BPTF: variants seen among roughly 807,000 people sequenced by gnomAD.
BPTF encodes the protein bromodomain PHD finger transcription factor.
BPTF carries 18 observed loss-of-function variants against 292.5 expected under a neutral mutation model. That is an observed-to-expected ratio of 0.06 (90% CI 0.04 to 0.09). The LOEUF is 0.09. Ranked by LOEUF, BPTF falls within the 10% of genes least tolerant of loss-of-function variation. BPTF has a pLI of 1.00. For synonymous variants in BPTF, 1,225 were observed against 1,251.9 expected, an observed-to-expected ratio of 0.98 and a Z score of 0.45; for missense variants, 2,726 against 3,498.7, an observed-to-expected ratio of 0.78 and a Z score of 5.57.
chr17:67,827,945 T>G (rs2056251557), intron 1 of BPTF, among the ~76,000 whole-genome samples: 1 of 151,192 alleles, frequency 6.6e-6, no homozygotes, highest in Non-Finnish European at 1.5e-5. Context: ...TTTTTTTTTT[T>G]TTTTGAGAGG....
Position 67,911,409 on chromosome 17 carries a change from A to G in BPTF, c.3525A>G (p.Pro1175=). 1.2e-6 allele frequency: 2 copies of G among 1,614,182 alleles called. No homozygotes were observed. The highest frequency in any genetic ancestry group is 1.7e-6 in the Non-Finnish European group (2 of 1,180,032). The change falls in exon 11 of 28, where the codon CCA becomes CCG. Residue 1175 remains proline, a synonymous_variant. Transcript: ENST00000306378. ...TAGATGATGTCTCCATTCGGAGCCC[A>G]GAAACAAAATGTCCGAAACAAAATT... ...RVLDDVSIRS[P]ETKCPKQNSI... is the part of the protein sequence containing the mutation.
chr17:67,917,611 GTTTAA>G (rs1216719921), intron 11 of BPTF, among the ~76,000 whole-genome samples: 3 of 150,640 alleles, frequency 2.0e-5, no homozygotes, highest in Non-Finnish European at 4.4e-5. Context: ...GATGTTTTTG[GTTTAA>G]TTTAATTAAT....
intron 1 of BPTF, among the ~76,000 whole-genome samples, chr17:67,827,605 CT>C (rs899665846): frequency 5.9e-5 from 9 of 151,830 alleles, no homozygotes; most frequent in African/African-American, 1.9e-4. Flanking sequence ...GAAAAAAGAC[CT>C]TTTTTTTCGT....
chr17:67,860,388 T>G (rs1382433981), intron 2 of BPTF, among the ~76,000 whole-genome samples: 1 of 152,368 alleles, frequency 6.6e-6, no homozygotes, highest in East Asian at 1.9e-4. Flanking sequence ...TTAATTGTAA[T>G]GTTACCAATT....
chr17:67,880,774 C>G (rs1470433078), intron 4 of BPTF, among the ~76,000 whole-genome samples: 1 of 151,896 alleles, frequency 6.6e-6, no homozygotes, highest in Non-Finnish European at 1.5e-5. Context: ...GTAGCTGAAA[C>G]TATAGGCTAA....
chr17:67,899,959 T>C (rs1162162509), intron 7 of BPTF, among the ~76,000 whole-genome samples: 4 of 152,212 alleles, frequency 2.6e-5, no homozygotes, highest in Non-Finnish European at 5.9e-5. Context: ...CACACAAGCA[T>C]CTGATGTATT....
chr17:67,893,969 C>G (rs1221370851), intron 6 of BPTF, 65 bp from the exon 7 acceptor site: 1 of 1,578,382 alleles, frequency 6.3e-7, no homozygotes, highest in Non-Finnish European at 8.7e-7. Context: ...AAAGTTACAA[C>G]TATTGTGCTT....
chr17:67,910,910 A>G lies in BPTF; in HGVS notation c.3026A>G (p.Lys1009Arg), dbSNP rs2062614991. ...GAGCTCTTAGATTCTGACAGTGATA[A>G]ACCCTGCAAGGAAGAACCAATGGAA... ...VKELLDSDSD[K>R]PCKEEPMEVD... The change falls in exon 11 of 28, where the codon AAA becomes AGA. Residue 1009 changes from lysine (K) to arginine (R), a missense_variant. Lys to Arg is a conservative substitution (Grantham distance 26). Around this residue, in one of 22 missense-constraint regions of BPTF, gnomAD observed 713 missense variants for 714.9 expected, o/e 1.00. Transcript: ENST00000306378. 1 of 1,610,346 alleles carries G rather than the reference A, an allele frequency of 6.2e-7. No individual in the cohort carries two copies. Among genetic ancestry groups the G allele is most frequent in the African/African-American group, 1.3e-5 (1 of 74,766 alleles).
chr17:67,905,856 AC>A (rs1443833596), intron 9 of BPTF, among the ~76,000 whole-genome samples: 1 of 151,982 alleles, frequency 6.6e-6, no homozygotes, highest in African/African-American at 2.4e-5. Flanking sequence ...TTCAGTGAGA[AC>A]ATTTGGACAC....
chr17:67,948,322 C>A lies in BPTF; in HGVS notation c.7926+16C>A. The stretch of plus-strand genomic sequence containing the variant: ...TGAAGTGCAGGTAAGAGGGCACATC[C>A]TTTTCTTCTGTGTCCAGTGTTTAAC... On this transcript the variant is annotated intron_variant, in intron 23 of 27. Transcript: ENST00000306378. 1.3e-6 allele frequency: 2 copies of A among 1,596,036 alleles called. No homozygotes were observed. Among genetic ancestry groups the A allele is most frequent in the Non-Finnish European group, 1.7e-6 (2 of 1,169,366 alleles).
chr17:67,872,397 A>G (rs1039874750), intron 3 of BPTF, among the ~76,000 whole-genome samples: 1 of 152,146 alleles, frequency 6.6e-6, no homozygotes, highest in Non-Finnish European at 1.5e-5. Flanking sequence ...TGATTTGGTT[A>G]AGAAAAGCTA....
intron 1 of BPTF, among the ~76,000 whole-genome samples, chr17:67,849,290 A>G (rs2058241517): frequency 6.6e-6 from 1 of 152,186 alleles, no homozygotes; most frequent in Admixed American, 6.5e-5. Flanking sequence ...CCTCCATTTC[A>G]GGGCAGCTTT....
At chr17:67,836,031 A>G (rs1430029394) in intron 1 of BPTF, among the ~76,000 whole-genome samples, 3 of 152,216 alleles carry the variant, frequency 2.0e-5, no homozygotes, top group Non-Finnish European at 4.4e-5. Flanking sequence ...ATTAGGATTC[A>G]GAGACTTTTG....
intron 27 of BPTF, among the ~76,000 whole-genome samples, chr17:67,978,144 G>A (rs1489622968): frequency 1.3e-5 from 2 of 151,304 alleles, no homozygotes; most frequent in Non-Finnish European, 2.9e-5. Flanking sequence ...GTGAGCCACC[G>A]CACCCGGCCA....
chr17:67,932,065 C>A, intron 18 of BPTF, 46 bp downstream of exon 18: 1 of 1,487,628 alleles, frequency 6.7e-7, no homozygotes, highest in Non-Finnish European at 9.4e-7. Flanking sequence ...AACAGCCAGT[C>A]TAGGAAATAC....
chr17:67,967,051 G>T (rs182707050), intron 26 of BPTF, among the ~76,000 whole-genome samples: 169 of 151,656 alleles, frequency 1.1e-3, no homozygotes, highest in Admixed American at 3.4e-3. Context: ...AGTGAACAGA[G>T]ATCGCGCCAC....
chr17:67,846,293 C>T (rs756087026), intron 1 of BPTF, among the ~76,000 whole-genome samples: 1 of 152,166 alleles, frequency 6.6e-6, no homozygotes, highest in Admixed American at 6.5e-5. Context: ...AGTTTTAGAG[C>T]AGCCTGGGCA....
intron 26 of BPTF, among the ~76,000 whole-genome samples, chr17:67,971,122 AG>A (rs2068710714): frequency 6.6e-6 from 1 of 152,162 alleles, no homozygotes; most frequent in African/African-American, 2.4e-5. Context: ...TGGACCGCCC[AG>A]GCTGGAGTGC....
At chr17:67,954,598 T>C (rs2148165208) in intron 23 of BPTF, among the ~76,000 whole-genome samples, 1 of 152,340 alleles carries the variant, frequency 6.6e-6, no homozygotes, top group Non-Finnish European at 1.5e-5. Context: ...GCCTGCAGTT[T>C]TAGTCCTGCT....
Sources: allele counts gnomAD v4.1 joint callset (sites outside exome capture counted in the v4.1 genomes callset), GRCh38; gene constraint gnomAD v4.1.1; regional missense constraint gnomAD v4.1.1; transcripts MANE v1.5; gene names NCBI Gene and HGNC (gene_info 2026-07-23, HGNC 2026-07-21).